NRXN3: variants seen among roughly 807,000 people sequenced by gnomAD.
NRXN3 encodes the protein neurexin III.
NRXN3 carries 32 observed loss-of-function variants against 137.6 expected under a neutral mutation model. The ratio of observed to expected loss-of-function variants is 0.23; its 90% CI spans 0.18 to 0.31. The LOEUF is 0.31. Among genes scored for constraint, NRXN3 ranks in the 10% least tolerant of loss-of-function variants. NRXN3 has a pLI of 1.00. For synonymous variants in NRXN3, 798 were observed against 784.5 expected (o/e 1.02, Z -0.29); for missense variants, 1,574 against 2,062.5 (o/e 0.76, Z 4.59).
intron 15 of NRXN3, among the ~76,000 whole-genome samples, chr14:79,381,861 G>A (rs1464680775): frequency 6.6e-6 from 1 of 152,104 alleles, no homozygotes; most frequent in African/African-American, 2.4e-5. Context: ...TGATGATTTT[G>A]GGTTCACATT....
intron 2 of NRXN3, among the ~76,000 whole-genome samples, chr14:78,263,697 C>T (rs899519309): frequency 3.3e-5 from 5 of 151,972 alleles, no homozygotes; most frequent in South Asian, 2.1e-4. Flanking sequence ...CAAATTTTAC[C>T]GACACGGCTT....
intron 4 of NRXN3, among the ~76,000 whole-genome samples, chr14:78,589,990 A>G (rs1227539832): frequency 6.6e-6 from 1 of 152,190 alleles, no homozygotes; most frequent in Non-Finnish European, 1.5e-5. Context: ...ACAAACAAAC[A>G]AACAAAAACA....
At chr14:79,494,623 A>G (rs2096749210) in intron 16 of NRXN3, among the ~76,000 whole-genome samples, 1 of 152,146 alleles carries the variant, frequency 6.6e-6, no homozygotes, top group Non-Finnish European at 1.5e-5. Context: ...CAGTTTATAT[A>G]TGTAGTCTGA....
chr14:79,214,217 A>G (rs566758961), intron 15 of NRXN3, among the ~76,000 whole-genome samples: 1 of 152,372 alleles, frequency 6.6e-6, no homozygotes, highest in Admixed American at 6.5e-5. Flanking sequence ...AGAAGGTGGC[A>G]GTGAGGACAA....
intron 16 of NRXN3, among the ~76,000 whole-genome samples, chr14:79,575,989 C>T (rs1016684910): frequency 6.6e-6 from 1 of 152,096 alleles, no homozygotes; most frequent in African/African-American, 2.4e-5. Flanking sequence ...ACAAAAAAGT[C>T]CAGAAACCAG....
chr14:79,765,301 G>A (rs1411518183), intron 19 of NRXN3, among the ~76,000 whole-genome samples: 1 of 152,276 alleles, frequency 6.6e-6, no homozygotes, highest in South Asian at 2.1e-4. Context: ...AAATAGAAAC[G>A]TCCTGAAGCA....
At chr14:78,585,648 T>A (rs566108738) in intron 4 of NRXN3, among the ~76,000 whole-genome samples, 1 of 151,866 alleles carries the variant, frequency 6.6e-6, no homozygotes, top group South Asian at 2.1e-4. Flanking sequence ...GGTAATTGGG[T>A]CTGGGGTATG....
chr14:78,747,335 A>G lies in NRXN3; in HGVS notation c.2044+32196A>G, dbSNP rs560531479. ...GAAGATGAAATGAAATAATATATGTAAGCAGTGTGTTCAATAATTGTTAGT... is the reference window on the plus strand; with the variant it reads ...GAAGATGAAATGAAATAATATATGTGAGCAGTGTGTTCAATAATTGTTAGT... On this transcript the variant is annotated intron_variant, in intron 8 of 20. Transcript: ENST00000335750. 5.9e-5 allele frequency among the ~76,000 whole-genome samples: 9 copies of G among 152,338 alleles called. No homozygotes were observed. The South Asian group carries it at 1.9e-3, about 32-fold the overall frequency.
chr14:78,998,246 C>G (rs913015472), intron 15 of NRXN3, among the ~76,000 whole-genome samples: 1 of 152,096 alleles, frequency 6.6e-6, no homozygotes, highest in Non-Finnish European at 1.5e-5. Context: ...TGATGCCAAC[C>G]TATTCTTTTT....
chr14:79,861,122 C>G lies in NRXN3; in HGVS notation c.4094-220C>G. ...TACTCGTGCACCTTCCATTACACTC[C>G]CCCCTACCTTTCGCCCCCTCCTCAC... On this transcript the variant is annotated intron_variant, in intron 20 of 20. Coordinates refer to ENST00000335750, the MANE Select transcript of NRXN3 (RefSeq NM_001330195.2). This position sits in a 1 kb window ranked among gnomAD's most constrained non-coding sequence, Gnocchi z 5.4. 1 of 1,488,602 alleles carries G rather than the reference C, an allele frequency of 6.7e-7. No homozygotes were observed. The highest frequency in any genetic ancestry group is 8.9e-7 in the Non-Finnish European group (1 of 1,123,222). 92.2% of individuals were successfully genotyped at this position (1,488,602 alleles called of 1,614,324 possible).
chr14:78,823,855 T>A (rs1293090909), intron 10 of NRXN3, among the ~76,000 whole-genome samples: 1 of 152,140 alleles, frequency 6.6e-6, no homozygotes, highest in Non-Finnish European at 1.5e-5. Context: ...AATAGCTGTG[T>A]TAGCATGATC....
intron 4 of NRXN3, among the ~76,000 whole-genome samples, chr14:78,379,706 A>G (rs1406096422): frequency 6.6e-6 from 1 of 152,248 alleles, no homozygotes; most frequent in Admixed American, 6.5e-5. Context: ...AACCCAGAAT[A>G]ACTGCTCTCT....
At chr14:79,858,144 C>CT (rs561232071) in intron 20 of NRXN3, among the ~76,000 whole-genome samples, 36,193 of 141,048 alleles carry the variant, frequency 0.26, 4,665 homozygotes, top group Admixed American at 0.41. Context: ...TGTGGTTACT[C>CT]TTTTTTTTTT....
At chr14:79,546,681 A>C (rs1895671) in intron 16 of NRXN3, among the ~76,000 whole-genome samples, 11,901 of 152,184 alleles carry the variant, frequency 0.078, 490 homozygotes, top group South Asian at 0.13. Flanking sequence ...GAGTCTCCCA[A>C]CTGCTAGCGC....
intron 10 of NRXN3, among the ~76,000 whole-genome samples, chr14:78,871,890 T>C (rs1339098151): frequency 3.3e-5 from 5 of 152,178 alleles, no homozygotes; most frequent in Admixed American, 6.6e-5. Context: ...TTTTGCTAAA[T>C]GTTTCCTATC....
chr14:78,198,344 G>A (rs1356915888), intron 1 of NRXN3, among the ~76,000 whole-genome samples: 2 of 152,156 alleles, frequency 1.3e-5, no homozygotes, highest in Admixed American at 6.5e-5. Context: ...ACACAGAACT[G>A]CCCAGCCACA....
At chr14:78,193,583 G>A (rs1396171616) in intron 1 of NRXN3, among the ~76,000 whole-genome samples, 2 of 152,048 alleles carry the variant, frequency 1.3e-5, no homozygotes, top group Non-Finnish European at 2.9e-5. Flanking sequence ...ACAACATGGT[G>A]AAACCCCATC....
At chr14:78,637,376 C>T (rs61976137) in intron 4 of NRXN3, among the ~76,000 whole-genome samples, 7,684 of 152,276 alleles carry the variant, frequency 0.05, 257 homozygotes, top group Middle Eastern at 0.15. Flanking sequence ...TTCTCTTATG[C>T]CCAGGGTCAG....
Position 79,753,450 on chromosome 14 carries a change from C to T in NRXN3, c.4015-51662C>T, listed in dbSNP as rs2099005993. 2.0e-5 allele frequency among the ~76,000 whole-genome samples: 3 copies of T among 151,502 alleles called. No homozygotes were observed. The South Asian group carries it at 6.3e-4, about 32-fold the overall frequency. On this transcript the variant is annotated intron_variant, in intron 19 of 20. Coordinates refer to ENST00000335750, the MANE Select transcript of NRXN3 (RefSeq NM_001330195.2). ...ATGGATGAAATTGGAAATCATCTTT[C>T]TCAGCAAACTATCGCAAGGACAAAA...
Sources: allele counts gnomAD v4.1 joint callset (sites outside exome capture counted in the v4.1 genomes callset), GRCh38; gene constraint gnomAD v4.1.1; non-coding constraint Gnocchi (gnomAD v3.1); transcripts MANE v1.5; gene names NCBI Gene and HGNC (gene_info 2026-07-23, HGNC 2026-07-21).